ARSJ: variants seen among roughly 807,000 people sequenced by gnomAD.
ARSJ encodes the protein arylsulfatase family member J.
ARSJ carries 26 observed loss-of-function variants against 35.9 expected under a neutral mutation model. The ratio of observed to expected loss-of-function variants is 0.72; its 90% CI spans 0.53 to 1.00. The LOEUF (loss-of-function observed/expected upper bound fraction) is 1.00, where lower values mean the gene tolerates loss of function less well. Ranked by LOEUF, ARSJ falls within the 50% of genes least tolerant of loss-of-function variation. The probability of loss-of-function intolerance (pLI) is 0.00; values close to 1 mark genes in which losing one functional copy is unlikely to be tolerated. For synonymous variants in ARSJ, 294 were observed against 267.6 expected, an observed-to-expected ratio of 1.10 and a Z score of -0.96; for missense variants, 667 against 723.6, an observed-to-expected ratio of 0.92 and a Z score of 0.90.
intron 1 of ARSJ, among the ~76,000 whole-genome samples, chr4:113,922,416 GT>G: frequency 6.6e-6 from 1 of 152,192 alleles, no homozygotes; most frequent in Admixed American, 6.5e-5. Flanking sequence ...ATTGTTCCAT[GT>G]TTAATTATGA....
At chr4:113,947,496 A>G (rs1002446702) in intron 1 of ARSJ, among the ~76,000 whole-genome samples, 1 of 150,334 alleles carries the variant, frequency 6.7e-6, no homozygotes, top group South Asian at 2.1e-4. Flanking sequence ...AAGAAAGAGG[A>G]AAGAAAAAAG....
chr4:113,920,163 AT>A (rs1472060055), intron 1 of ARSJ, among the ~76,000 whole-genome samples: 4 of 152,136 alleles, frequency 2.6e-5, no homozygotes, highest in African/African-American at 9.7e-5. Flanking sequence ...TTTGCCAAAG[AT>A]TGTAATTGTT....
chr4:113,931,759 A>G (rs1473218479), intron 1 of ARSJ, among the ~76,000 whole-genome samples: 1 of 152,050 alleles, frequency 6.6e-6, no homozygotes, highest in Non-Finnish European at 1.5e-5. Flanking sequence ...AATAATAAAA[A>G]CCATTAGAAT....
intron 1 of ARSJ, among the ~76,000 whole-genome samples, chr4:113,911,404 A>C (rs908862825): frequency 6.6e-6 from 1 of 152,182 alleles, no homozygotes; most frequent in South Asian, 2.1e-4. Context: ...TGGAAAAATC[A>C]ACTCTGGTTG....
chr4:113,958,796 C>A (rs1014724062), intron 1 of ARSJ, among the ~76,000 whole-genome samples: 2 of 151,976 alleles, frequency 1.3e-5, no homozygotes, highest in African/African-American at 4.8e-5. Flanking sequence ...CTACTTTCCA[C>A]TAATTTCCCT....
chr4:113,908,746 C>T (rs991529391), intron 1 of ARSJ, among the ~76,000 whole-genome samples: 1 of 152,000 alleles, frequency 6.6e-6, no homozygotes, highest in African/African-American at 2.4e-5. Flanking sequence ...AATTTAGGAA[C>T]ATTATAAAAC....
At position 113,948,142 on chromosome 4, in the gene ARSJ, T is replaced by C. The variant is rs1043004741; in HGVS notation, c.398+30295A>G. Among the ~76,000 whole-genome samples the C allele has an allele frequency of 1.2e-4, 19 of 152,108 alleles. No individual in the cohort carries two copies. In the East Asian group the frequency reaches 3.7e-3, roughly 29 times the overall value. ...AGGTGGAGGTTGCAGCCAGCCGAGA[T>C]TGTGCCACTGCACTCCAGCCTGGGT... is the stretch of plus-strand genomic sequence containing the variant. On this transcript the variant is annotated intron_variant, in intron 1 of 1. Coordinates refer to ENST00000315366, the MANE Select transcript of ARSJ (RefSeq NM_024590.4).
chr4:113,908,150 G>T (rs2099669334), intron 1 of ARSJ, among the ~76,000 whole-genome samples: 1 of 152,212 alleles, frequency 6.6e-6, no homozygotes, highest in Non-Finnish European at 1.5e-5. Flanking sequence ...AATGCAATAT[G>T]TGGTTTTGAA....
rs1351152106 is a variant in ARSJ at position 113,978,881 on chromosome 4, G to A, written c.-47C>T. On this transcript the variant is annotated 5_prime_UTR_variant, in exon 1 of 2. Coordinates refer to ENST00000315366, the MANE Select transcript of ARSJ (RefSeq NM_024590.4). The stretch of plus-strand genomic sequence containing the variant: ...CTCCACGCGGAGAACCACGCGCCCC[G>A]CGCCGCTGCGGGCGCACACATGCAC... 9.1e-6 allele frequency: 14 copies of A among 1,530,990 alleles called. No individual in the cohort carries two copies. Among genetic ancestry groups the A allele is most frequent in the Non-Finnish European group, 1.1e-5 (12 of 1,142,094 alleles). The allele number at this position is 1,530,990 out of a possible 1,614,324, so 94.8% of individuals were successfully genotyped here. A position where few individuals can be genotyped will look rare whatever the true frequency, so the allele number is the denominator to read the frequency against.
intron 1 of ARSJ, among the ~76,000 whole-genome samples, chr4:113,976,092 C>T (rs1325339552): frequency 6.6e-6 from 1 of 152,090 alleles, no homozygotes; most frequent in Non-Finnish European, 1.5e-5. Context: ...TTAAGGGAAT[C>T]TGCAATTTGT....
In ARSJ at chr4:113,978,782, C is replaced by G; in HGVS notation, c.53G>C (p.Cys18Ser). The G allele has an allele frequency of 6.2e-7, 1 of 1,614,092 alleles. No individual in the cohort carries two copies. Among genetic ancestry groups the G allele is most frequent in the Non-Finnish European group, 8.5e-7 (1 of 1,179,944 alleles). The stretch of plus-strand genomic sequence containing the variant: ...TGCTAGCATCTTTCCAGGACAGACA[C>G]AGGCCTGTGGAGAAGGCGGAGGCGG... ...GHPPPPSPQA[C>S]VCPGKMLAMG... is the part of the protein sequence containing the mutation. The change falls in exon 1 of 2, where the codon TGT becomes TCT. Residue 18 changes from cysteine (C) to serine (S), a missense_variant. Physicochemically the swap from Cys to Ser is moderately radical, Grantham distance 112. Coordinates refer to ENST00000315366, the MANE Select transcript of ARSJ (RefSeq NM_024590.4).
Position 113,944,921 on chromosome 4 carries a change from T to C in ARSJ, c.398+33516A>G, listed in dbSNP as rs373664703. On this transcript the variant is annotated intron_variant, in intron 1 of 1. Transcript: ENST00000315366. ...ATATATCCGTATCTGTATATCTATC[T>C]ATCTGTCTTCAAATTCCCATTTGAA... Among the ~76,000 whole-genome samples, 32 of 152,218 alleles carry C rather than the reference T, an allele frequency of 2.1e-4. 2 individuals are homozygous for C. Among genetic ancestry groups the C allele is most frequent in the African/African-American group, 7.7e-4 (32 of 41,578 alleles).
intron 1 of ARSJ, among the ~76,000 whole-genome samples, chr4:113,961,480 C>A (rs538834761): frequency 6.6e-6 from 1 of 152,086 alleles, no homozygotes; most frequent in East Asian, 1.9e-4. Context: ...AACAAACATT[C>A]CTCTCAATGA....
Position 113,902,075 on chromosome 4 carries a change from C to G in ARSJ, c.*199G>C. The G allele has an allele frequency of 6.6e-7, 1 of 1,524,504 alleles. No homozygotes were observed. Among genetic ancestry groups the G allele is most frequent in the Non-Finnish European group, 8.8e-7 (1 of 1,132,686 alleles). 94.4% of individuals were successfully genotyped at this position (1,524,504 alleles called of 1,614,324 possible). A position where few individuals can be genotyped will look rare whatever the true frequency, so the allele number is the denominator to read the frequency against. On this transcript the variant is annotated 3_prime_UTR_variant, in exon 2 of 2. Transcript: ENST00000315366. ...CTCCACTCTCTCTAAGTGTGGCTTG[C>G]AAGAGTAGCACCTTGGCACTGAGCA...
chr4:113,910,363 G>A (rs2099670086), intron 1 of ARSJ, among the ~76,000 whole-genome samples: 1 of 152,092 alleles, frequency 6.6e-6, no homozygotes, highest in Non-Finnish European at 1.5e-5. Flanking sequence ...ATGTACTCTT[G>A]TAAGTGGGAT....
chr4:113,966,637 T>C (rs930031518), intron 1 of ARSJ, among the ~76,000 whole-genome samples: 1 of 152,172 alleles, frequency 6.6e-6, no homozygotes, highest in African/African-American at 2.4e-5. Flanking sequence ...TTGGAAATAG[T>C]AGTTCTGAAG....
At chr4:113,956,782 G>C (rs1726207517) in intron 1 of ARSJ, among the ~76,000 whole-genome samples, 1 of 151,960 alleles carries the variant, frequency 6.6e-6, no homozygotes, top group African/African-American at 2.4e-5. Context: ...TAGATCACAG[G>C]GTACTTGAAC....
intron 1 of ARSJ, among the ~76,000 whole-genome samples, chr4:113,967,036 G>A (rs751468570): frequency 3.3e-5 from 5 of 152,186 alleles, no homozygotes; most frequent in Non-Finnish European, 7.3e-5. Flanking sequence ...ACGAGGCTCA[G>A]TTGGTTGGTA....
chr4:113,972,968 C>A (rs1474082185), intron 1 of ARSJ, among the ~76,000 whole-genome samples: 1 of 152,202 alleles, frequency 6.6e-6, no homozygotes, highest in Non-Finnish European at 1.5e-5. Context: ...AGTAAGGCAA[C>A]AGACAATAGA....
Sources: allele counts gnomAD v4.1 joint callset (sites outside exome capture counted in the v4.1 genomes callset), GRCh38; gene constraint gnomAD v4.1.1; transcripts MANE v1.5; gene names NCBI Gene and HGNC (gene_info 2026-07-23, HGNC 2026-07-21).